EWSR1: variants seen among roughly 807,000 people sequenced by gnomAD.
The protein encoded by EWSR1 is RNA-binding protein EWS.
In EWSR1, 14 loss-of-function variants were observed where a neutral mutation model predicts 92.1. That is an observed-to-expected ratio of 0.15 (90% CI 0.10 to 0.24). The LOEUF (loss-of-function observed/expected upper bound fraction) is 0.24. Ranked by LOEUF, EWSR1 falls within the 10% of genes least tolerant of loss-of-function variation. The pLI is 1.00. For synonymous variants in EWSR1, 303 were observed against 292.9 expected (o/e 1.03, Z -0.35); for missense variants, 637 against 870.9 (o/e 0.73, Z 3.38).
At chr22:29,298,987 A>G in intron 14 of EWSR1, 92 bp downstream of exon 14, 1 of 1,420,590 alleles carries the variant, frequency 7.0e-7, no homozygotes, top group East Asian at 2.3e-5. Flanking sequence ...CTCTGTCTAG[A>G]GGAACAGAAT....
chr22:29,270,481 C>T (rs761122296), intron 1 of EWSR1, among the ~76,000 whole-genome samples: 4 of 152,092 alleles, frequency 2.6e-5, no homozygotes, highest in Non-Finnish European at 5.9e-5. Flanking sequence ...TGCTTGAGGG[C>T]CTGTGATGTT....
intron 1 of EWSR1, among the ~76,000 whole-genome samples, 194 bp from the exon 2 acceptor site, chr22:29,272,022 A>G (rs1241912023): frequency 1.3e-5 from 2 of 152,188 alleles, no homozygotes; most frequent in African/African-American, 4.8e-5. Flanking sequence ...CCACAGTCAA[A>G]TGTTGAGTTT....
chr22:29,286,936 C>G lies in EWSR1; in HGVS notation c.595C>G (p.Gln199Glu). 1 of 1,612,378 alleles carries G rather than the reference C, an allele frequency of 6.2e-7. No individual in the cohort carries two copies. The highest frequency in any genetic ancestry group is 8.5e-7 in the Non-Finnish European group (1 of 1,179,086). The change falls in exon 7 of 17, where the codon CAG (glutamine) becomes GAG (glutamate). Residue 199 changes from glutamine (Q) to glutamate (E), a missense_variant. Physicochemically the swap from Gln to Glu is conservative, Grantham distance 29. Coordinates refer to ENST00000397938, the MANE Select transcript of EWSR1 (RefSeq NM_005243.4). ...TCTCTCTTTCAGCTATTCCTCTACACAGCCGACTAGTTATGATCAGAGCAG... is the reference window on the plus strand; with the variant it reads ...TCTCTCTTTCAGCTATTCCTCTACAGAGCCGACTAGTTATGATCAGAGCAG... ...SYPPTSYSSTQPTSYDQSSYS... is the reference protein window; with the variant it reads ...SYPPTSYSSTEPTSYDQSSYS...
intron 7 of EWSR1, among the ~76,000 whole-genome samples, chr22:29,287,425 C>T (rs1176918086): frequency 1.3e-5 from 2 of 152,180 alleles, no homozygotes; most frequent in African/African-American, 4.8e-5. Context: ...TCAGGCTGGT[C>T]TCGAACTCCT....
At chr22:29,276,124 C>G (rs2059102381) in intron 4 of EWSR1, 1 of 231,662 alleles carries the variant, frequency 4.3e-6, no homozygotes, top group Non-Finnish European at 8.5e-6. Flanking sequence ...GCCCTGATCA[C>G]TTTTAGTTTT....
chr22:29,292,812 T>C (rs1223126771), intron 11 of EWSR1, among the ~76,000 whole-genome samples: 1 of 148,002 alleles, frequency 6.8e-6, no homozygotes, highest in Non-Finnish European at 1.5e-5. Context: ...GTGCCCAGGC[T>C]GGAGTGCAAT....
At chr22:29,291,908 G>T (rs1292381832) in intron 9 of EWSR1, 2 of 584,662 alleles carry the variant, frequency 3.4e-6, no homozygotes, top group Admixed American at 6.3e-5. Context: ...CATTGAGAGT[G>T]TATTTGGTTA....
intron 5 of EWSR1, among the ~76,000 whole-genome samples, chr22:29,281,776 A>G (rs1001780983): frequency 7.9e-5 from 12 of 151,354 alleles, no homozygotes; most frequent in East Asian, 3.9e-4. Context: ...TAGTAGAGAC[A>G]GGGTTTCACT....
chr22:29,285,698 GA>G (rs1218366501), intron 6 of EWSR1, among the ~76,000 whole-genome samples: 1 of 151,246 alleles, frequency 6.6e-6, no homozygotes, highest in Non-Finnish European at 1.5e-5. Flanking sequence ...GCTTGGAACT[GA>G]ATGCCTCACT....
Position 29,268,348 on chromosome 22 carries a change from G to C in EWSR1, c.12G>C (p.Thr4=), listed in dbSNP as rs147203739. The change falls in exon 1 of 17, where the codon ACG becomes ACC. Residue 4 remains threonine, a splice_region_variant and synonymous_variant. Transcript: ENST00000397938. Reference sequence around the variant, plus strand: ...AGGAAGGAGAGAAAATGGCGTCCACGGGTGAGTATGGTGGAACTGCGGTCG... The same window carrying C: ...AGGAAGGAGAGAAAATGGCGTCCACCGGTGAGTATGGTGGAACTGCGGTCG... The part of the protein sequence containing the change: MAS[T]DYSTYSQAAA... 1.9e-6 allele frequency: 3 copies of C among 1,614,132 alleles called. No individual in the cohort carries two copies. The highest frequency in any genetic ancestry group is 2.5e-6 in the Non-Finnish European group (3 of 1,179,994).
rs762640222 is a variant in EWSR1, at chr22:29,288,705, A to T, written c.893A>T (p.Asp298Val). 1 of 1,613,828 alleles carries T rather than the reference A, an allele frequency of 6.2e-7. No homozygotes were observed. The highest frequency in any genetic ancestry group is 1.3e-5 in the African/African-American group (1 of 74,914). Residue 298 changes from aspartate to valine, a missense_variant, in exon 8 of 17, where the codon GAT becomes GTT. By Grantham distance (152) the Asp-to-Val change is radical. This residue lies in a region of EWSR1 where 116 missense variants were observed against 167.8 expected (regional missense o/e 0.69). Transcript: ENST00000397938. ...GAGAACCGGAGCATGAGTGGCCCTG[A>T]TAACCGGGGCAGGGGAAGAGGGGGA... ...PGENRSMSGP[D>V]NRGRGRGGFD... is the part of the protein sequence containing the mutation.
rs920420373 is a variant in EWSR1 at position 29,297,012 on chromosome 22, TGCACTCCAACCTGG to T, written c.1294+648_1294+661del. 7.2e-5 allele frequency among the ~76,000 whole-genome samples: 11 copies of T among 152,342 alleles called. No homozygotes were observed. The Middle Eastern group carries it at 0.01, about 141-fold the overall frequency. On this transcript the variant is annotated intron_variant, in intron 12 of 16. Transcript: ENST00000397938. ...CTCCAGTGAGCTGAGATTGCACCAC[TGCACTCCAACCTGG>T]GCAACGGAGCAAGACTCTGTCTCAA... is the stretch of plus-strand genomic sequence containing the variant.
chr22:29,277,935 T>G, intron 4 of EWSR1, 95 bp from the exon 5 acceptor site: 1 of 1,117,236 alleles, frequency 9.0e-7, no homozygotes, highest in Non-Finnish European at 1.3e-6. Context: ...ATCCTGATGG[T>G]TTAAAGTAAG....
chr22:29,294,481 C>G (rs2060687045), intron 11 of EWSR1, among the ~76,000 whole-genome samples: 1 of 151,416 alleles, frequency 6.6e-6, no homozygotes, highest in Admixed American at 6.6e-5. Context: ...TGGCGGGCAC[C>G]TGTAGTCCCA....
At chr22:29,271,898 T>C (rs990241762) in intron 1 of EWSR1, among the ~76,000 whole-genome samples, 9 of 152,238 alleles carry the variant, frequency 5.9e-5, no homozygotes, top group African/African-American at 1.9e-4. Context: ...GTCTGTGATA[T>C]TGATGATCAT....
rs1288272117 is a variant in EWSR1, at chr22:29,268,277, C to T, written c.-60C>T. 1 of 1,596,870 alleles carries T rather than the reference C, an allele frequency of 6.3e-7. No homozygotes were observed. Among genetic ancestry groups the T allele is most frequent in the East Asian group, 2.2e-5 (1 of 44,804 alleles). ...CGAGATTTGCGCCTGCGCAGTGCGGCGCCTAGAGGGAAAGCGAGAGGGAGA... is the reference window on the plus strand; with the variant it reads ...CGAGATTTGCGCCTGCGCAGTGCGGTGCCTAGAGGGAAAGCGAGAGGGAGA... On this transcript the variant is annotated 5_prime_UTR_variant, in exon 1 of 17. Transcript: ENST00000397938.
intron 11 of EWSR1, among the ~76,000 whole-genome samples, chr22:29,294,769 C>G (rs1358899462): frequency 6.6e-6 from 1 of 151,658 alleles, no homozygotes; most frequent in Non-Finnish European, 1.5e-5. Context: ...CAGAAATTAG[C>G]CGGGTGTGGT....
intron 4 of EWSR1, chr22:29,274,154 T>C: frequency 8.6e-7 from 1 of 1,159,962 alleles, no homozygotes; most frequent in South Asian, 1.2e-5. Flanking sequence ...ATGCTAATAC[T>C]GAGTAAGAAT....
intron 4 of EWSR1, 79 bp downstream of exon 4, chr22:29,273,943 A>T: frequency 2.5e-6 from 4 of 1,570,980 alleles, no homozygotes; most frequent in Non-Finnish European, 2.6e-6. Context: ...ATGCTTTCGG[A>T]TGTATATTCT....
Sources: gnomAD v4.1 joint callset for allele counts (sites outside exome capture counted in the v4.1 genomes callset) on GRCh38, gnomAD v4.1.1 for gene constraint, gnomAD v4.1.1 regional missense constraint, MANE v1.5 for transcripts, NCBI Gene and HGNC (gene_info 2026-07-23, HGNC 2026-07-21) for gene names.